ITGBL1: variants seen among roughly 807,000 people sequenced by gnomAD.
ITGBL1 encodes the protein integrin beta-like protein 1.
Under a neutral mutation model 68.5 loss-of-function variants are expected in ITGBL1, and 51 were observed. The ratio of observed to expected loss-of-function variants is 0.74; its 90% confidence interval spans 0.59 to 0.94. The LOEUF is 0.94. ITGBL1 is among the 40% of genes least tolerant of loss of function. ITGBL1 has a pLI of 0.00. For synonymous variants in ITGBL1, 209 were observed against 227.3 expected (o/e 0.92, Z 0.72); for missense variants, 649 against 647.4 (o/e 1.00, Z -0.03).
chr13:101,653,303 C>G (rs916724845), intron 7 of ITGBL1, among the ~76,000 whole-genome samples: 3 of 151,996 alleles, frequency 2.0e-5, no homozygotes, highest in African/African-American at 7.3e-5. Flanking sequence ...GGTGAAGAAG[C>G]TTGACCATAT....
At chr13:101,544,883 G>C (rs533038151) in intron 2 of ITGBL1, among the ~76,000 whole-genome samples, 11 of 152,180 alleles carry the variant, frequency 7.2e-5, no homozygotes, top group African/African-American at 1.7e-4. Context: ...CTGGTGTGCC[G>C]TTTGCTAAGA....
chr13:101,639,416 G>A (rs540741972), intron 7 of ITGBL1, among the ~76,000 whole-genome samples: 15 of 151,854 alleles, frequency 9.9e-5, no homozygotes, highest in Admixed American at 3.3e-4. Flanking sequence ...TTTGGAATTG[G>A]GTGAGTCATC....
At chr13:101,576,795 T>G (rs1255194198) in intron 4 of ITGBL1, among the ~76,000 whole-genome samples, 20 of 152,140 alleles carry the variant, frequency 1.3e-4, no homozygotes, top group Non-Finnish European at 1.5e-5. Context: ...CACAAAAACC[T>G]TATTTTCATT....
At chr13:101,668,387 CA>C (rs77564579) in intron 7 of ITGBL1, among the ~76,000 whole-genome samples, 7,542 of 151,984 alleles carry the variant, frequency 0.05, 248 homozygotes, top group East Asian at 0.15. Context: ...AACTCCATCT[CA>C]AAAAATAGGT....
At chr13:101,548,802 T>A (rs2049871734) in intron 2 of ITGBL1, among the ~76,000 whole-genome samples, 1 of 151,806 alleles carries the variant, frequency 6.6e-6, no homozygotes, top group South Asian at 2.1e-4. Context: ...ACAAACTGTT[T>A]CTATATTATA....
intron 2 of ITGBL1, among the ~76,000 whole-genome samples, chr13:101,489,542 G>T (rs547447335): frequency 6.6e-6 from 1 of 152,238 alleles, no homozygotes; most frequent in African/African-American, 2.4e-5. Context: ...GATTTGGAGA[G>T]AGCAGCTGAC....
At chr13:101,462,812 A>T in intron 2 of ITGBL1, among the ~76,000 whole-genome samples, 1 of 152,112 alleles carries the variant, frequency 6.6e-6, no homozygotes, top group Middle Eastern at 3.2e-3. Context: ...CTAACTTCTG[A>T]CCTCAGGTGA....
chr13:101,604,881 T>TACAC lies in ITGBL1; in HGVS notation c.1015+6583_1015+6584insCACA, dbSNP rs1292236214. Among the ~76,000 whole-genome samples, 122 of 14,262 alleles carry TACAC rather than the reference T, an allele frequency of 8.6e-3. 2 individuals are homozygous for TACAC. Among genetic ancestry groups the TACAC allele is most frequent in the East Asian group, 0.013 (3 of 236 alleles). The allele number at this position is 14,262 out of a possible 152,430, so 9.4% of individuals were successfully genotyped here. On this transcript the variant is annotated intron_variant, in intron 7 of 10. Coordinates refer to ENST00000376180, the MANE Select transcript of ITGBL1 (RefSeq NM_004791.3). ...ATATATATATATATATATATATATA[T>TACAC]ATATATACACACACACACACATATA...
At chr13:101,550,581 A>G (rs74119498) in intron 2 of ITGBL1, among the ~76,000 whole-genome samples, 1,651 of 152,290 alleles carry the variant, frequency 0.011, 25 homozygotes, top group African/African-American at 0.037. Flanking sequence ...GTGGCAGGCT[A>G]ATTTGTTAGT....
intron 8 of ITGBL1, among the ~76,000 whole-genome samples, chr13:101,694,153 T>G (rs1349835410): frequency 6.6e-6 from 1 of 152,224 alleles, no homozygotes; most frequent in Admixed American, 6.5e-5. Flanking sequence ...CAGTTTTCCC[T>G]AGAGTGACAC....
chr13:101,649,350 T>G (rs552476916), intron 7 of ITGBL1, among the ~76,000 whole-genome samples: 1 of 152,154 alleles, frequency 6.6e-6, no homozygotes, highest in Non-Finnish European at 1.5e-5. Context: ...CAACTTGCAT[T>G]GGTGGCTTGT....
intron 6 of ITGBL1, among the ~76,000 whole-genome samples, chr13:101,586,978 T>C (rs1271662532): frequency 1.3e-5 from 2 of 152,158 alleles, no homozygotes; most frequent in Non-Finnish European, 2.9e-5. Flanking sequence ...CCCAATGACA[T>C]CAATATTCTC....
At chr13:101,683,403 A>AT (rs1351720716) in intron 7 of ITGBL1, among the ~76,000 whole-genome samples, 1 of 151,980 alleles carries the variant, frequency 6.6e-6, no homozygotes, top group East Asian at 1.9e-4. Flanking sequence ...CGTTGAATGT[A>AT]TTTGCGATTC....
chr13:101,691,702 G>A (rs146489361), intron 7 of ITGBL1, among the ~76,000 whole-genome samples: 285 of 152,290 alleles, frequency 1.9e-3, no homozygotes, highest in Non-Finnish European at 3.4e-3. Flanking sequence ...ATACAATGTG[G>A]TTTAATGGTT....
chr13:101,719,841 T>G (rs2034863597), downstream of ITGBL1: 2 of 151,434 alleles, frequency 1.3e-5, no homozygotes, highest in South Asian at 2.1e-4. Context: ...CACTTCTTAC[T>G]TAATAACAGC....
intron 2 of ITGBL1, among the ~76,000 whole-genome samples, chr13:101,556,620 G>A (rs1172960137): frequency 2.0e-5 from 3 of 151,770 alleles, no homozygotes; most frequent in South Asian, 2.1e-4. Context: ...CAACAAGAGG[G>A]AAATTCCGTC....
chr13:101,590,169 T>C (rs1336635903), intron 6 of ITGBL1, among the ~76,000 whole-genome samples: 4 of 152,192 alleles, frequency 2.6e-5, no homozygotes, highest in Non-Finnish European at 5.9e-5. Context: ...TTGTTACTAA[T>C]TGGATAGGAT....
chr13:101,476,770 A>G (rs1416819648), intron 2 of ITGBL1, among the ~76,000 whole-genome samples: 1 of 152,210 alleles, frequency 6.6e-6, no homozygotes, highest in Non-Finnish European at 1.5e-5. Context: ...ATGTAATGAT[A>G]AAGGAGTCAA....
intron 7 of ITGBL1, among the ~76,000 whole-genome samples, chr13:101,604,885 T>TAC (rs1449617732): frequency 0.011 from 132 of 11,912 alleles, 6 homozygotes; most frequent in African/African-American, 0.021. Context: ...TATATATATA[T>TAC]ATACACACAC....
Sources: allele counts gnomAD v4.1 joint callset (sites outside exome capture counted in the v4.1 genomes callset), GRCh38; gene constraint gnomAD v4.1.1; transcripts MANE v1.5; gene names NCBI Gene and HGNC (gene_info 2026-07-23, HGNC 2026-07-21).